TRAPPC10: variants seen among roughly 807,000 people sequenced by gnomAD.
TRAPPC10 encodes trafficking protein particle complex subunit 10.
In TRAPPC10, 23 loss-of-function variants were observed where a neutral mutation model predicts 125.5. The ratio of observed to expected loss-of-function variants is 0.18; its 90% confidence interval spans 0.13 to 0.26. The LOEUF (loss-of-function observed/expected upper bound fraction) is 0.26. Among genes scored for constraint, TRAPPC10 ranks in the 10% least tolerant of loss-of-function variants. The pLI is 1.00. For missense variants in TRAPPC10, 1,123 were observed against 1,308.4 expected, an observed-to-expected ratio of 0.86 and a Z score of 2.19; for synonymous variants, 509 against 518.0, an observed-to-expected ratio of 0.98 and a Z score of 0.24.
chr21:44,041,116 T>C (rs905046270), intron 3 of TRAPPC10, among the ~76,000 whole-genome samples: 6 of 152,208 alleles, frequency 3.9e-5, no homozygotes, highest in Non-Finnish European at 8.8e-5. Flanking sequence ...GATGTTCTAC[T>C]TAATTCATTA....
At chr21:44,042,420 GAAAA>G (rs549146437) in intron 3 of TRAPPC10, among the ~76,000 whole-genome samples, 1 of 150,570 alleles carries the variant, frequency 6.6e-6, no homozygotes, top group South Asian at 2.1e-4. Flanking sequence ...TTAGCTTACA[GAAAA>G]AAAAAGATTA....
At chr21:44,088,055 T>C in intron 17 of TRAPPC10, 127 bp downstream of exon 17, 1 of 793,216 alleles carries the variant, frequency 1.3e-6, no homozygotes, top group Non-Finnish European at 2.0e-6. Context: ...CCTGGGCATG[T>C]GTTTAGCAGT....
chr21:44,077,844 T>G, intron 11 of TRAPPC10, 60 bp downstream of exon 11: 1 of 1,323,228 alleles, frequency 7.6e-7, no homozygotes, highest in Non-Finnish European at 1.1e-6. Flanking sequence ...AGAAGATTTG[T>G]TATATATGGA....
rs192345084 is a variant in TRAPPC10 at position 44,061,137 on chromosome 21, A to T, written c.790+1923A>T. Among the ~76,000 whole-genome samples the T allele has an allele frequency of 5.6e-3, 848 of 151,156 alleles. 3 individuals are homozygous for T. The highest frequency in any genetic ancestry group is 0.013 in the African/African-American group (524 of 41,154). ...ATTTATTTTAATTTTAATTTAATTT[A>T]ATTTTATTTTATTTTTTGAGACGGA... On this transcript the variant is annotated intron_variant, in intron 6 of 22. Coordinates refer to ENST00000291574, the MANE Select transcript of TRAPPC10 (RefSeq NM_003274.5).
At chr21:44,039,259 A>G (rs2034237205) in intron 3 of TRAPPC10, among the ~76,000 whole-genome samples, 1 of 152,140 alleles carries the variant, frequency 6.6e-6, no homozygotes, top group Non-Finnish European at 1.5e-5. Context: ...CCCGTCCCCT[A>G]TTCTGGGGAG....
Position 44,055,992 on chromosome 21 carries a change from G to A in TRAPPC10, c.678+99G>A, listed in dbSNP as rs2035559674. 8.1e-6 allele frequency: 9 copies of A among 1,106,492 alleles called. No homozygotes were observed. In the Admixed American group the frequency reaches 1.7e-4, roughly 21 times the overall value. The allele number at this position is 1,106,492 out of a possible 1,614,324, so 68.5% of individuals were successfully genotyped here. A position where few individuals can be genotyped will look rare whatever the true frequency, so the allele number is the denominator to read the frequency against. On this transcript the variant is annotated intron_variant, in intron 5 of 22. Transcript: ENST00000291574. ...TCTTTCTAAGTAAGGCACCTCTCGT[G>A]GTAATCTCATTGGCAGAGTTTTTAA... is the stretch of plus-strand genomic sequence containing the variant.
At chr21:44,033,640 C>T (rs759269804) in intron 2 of TRAPPC10, among the ~76,000 whole-genome samples, 14 of 152,148 alleles carry the variant, frequency 9.2e-5, no homozygotes, top group East Asian at 1.9e-4. Context: ...GTGGGAGGAT[C>T]GCTTGAGCCT....
intron 3 of TRAPPC10, among the ~76,000 whole-genome samples, chr21:44,040,121 C>T (rs1010536074): frequency 2.0e-5 from 3 of 152,188 alleles, no homozygotes; most frequent in Non-Finnish European, 2.9e-5. Flanking sequence ...TGTTTATTAA[C>T]GTCTCCTTCA....
chr21:44,057,631 A>T (rs1370671340), intron 5 of TRAPPC10, among the ~76,000 whole-genome samples: 5 of 152,240 alleles, frequency 3.3e-5, no homozygotes, highest in Non-Finnish European at 5.9e-5. Flanking sequence ...TTTATATTAC[A>T]TACATTTCAA....
At position 44,086,735 on chromosome 21, in the gene TRAPPC10, A is replaced by G; in HGVS notation, c.2381-67A>G. 9.6e-6 allele frequency: 15 copies of G among 1,563,634 alleles called. No homozygotes were observed. The South Asian group carries it at 1.7e-4, about 18-fold the overall frequency. ...AAAGAAATAGAGCCCCTTTCACCCC[A>G]TTGCGGGCCCTGAGATGCTGTCTTC... On this transcript the variant is annotated intron_variant, in intron 15 of 22. Transcript: ENST00000291574.
intron 6 of TRAPPC10, chr21:44,062,546 G>C (rs2036137355): frequency 1.0e-6 from 1 of 985,412 alleles, no homozygotes; most frequent in Non-Finnish European, 1.2e-6. Flanking sequence ...CCTGTGGGAG[G>C]GGAGCCTAGC....
chr21:44,047,018 C>G (rs1203385753), intron 3 of TRAPPC10: 1 of 766,460 alleles, frequency 1.3e-6, no homozygotes, highest in Non-Finnish European at 2.3e-6. Flanking sequence ...TTCTGGAGTC[C>G]TTTCCCACCT....
chr21:44,054,404 T>C (rs2035427688), intron 4 of TRAPPC10, among the ~76,000 whole-genome samples: 1 of 152,186 alleles, frequency 6.6e-6, no homozygotes, highest in South Asian at 2.1e-4. Flanking sequence ...CTCCAAAGGA[T>C]ATGCTGGGGC....
At chr21:44,088,044 C>T (rs1214858411) in intron 17 of TRAPPC10, 116 bp downstream of exon 17, 9 of 876,374 alleles carry the variant, frequency 1.0e-5, no homozygotes, top group Non-Finnish European at 1.4e-5. Flanking sequence ...ATTCCCGATG[C>T]CCTGGGCATG....
intron 3 of TRAPPC10, among the ~76,000 whole-genome samples, chr21:44,044,297 A>G (rs1345195116): frequency 2.7e-5 from 4 of 147,312 alleles, no homozygotes; most frequent in African/African-American, 1.0e-4. Context: ...TTTTTTCCTT[A>G]AAATTACATT....
intron 19 of TRAPPC10, among the ~76,000 whole-genome samples, chr21:44,092,828 T>C (rs7276660): frequency 1 from 152,303 of 152,304 alleles, 76,151 homozygotes; most frequent in Middle Eastern, 1. Context: ...TGGAGTTTCG[T>C]TCTTGTCGCC....
At chr21:44,071,185 T>C (rs983132845) in intron 7 of TRAPPC10, among the ~76,000 whole-genome samples, 6 of 152,290 alleles carry the variant, frequency 3.9e-5, no homozygotes, top group East Asian at 1.9e-4. Context: ...CAGAAGGAAT[T>C]GATGGTGGCC....
rs373277961 is a variant in TRAPPC10 at position 44,080,008 on chromosome 21, G to T, written c.1611-7G>T. Reference sequence around the variant, plus strand: ...GCCTCTCCACGCTCCTTACCTCTCCGCTCCAGCTACCTGCAGACCAGCAGC... The same window carrying T: ...GCCTCTCCACGCTCCTTACCTCTCCTCTCCAGCTACCTGCAGACCAGCAGC... On this transcript the variant is annotated splice_polypyrimidine_tract_variant and splice_region_variant and intron_variant, in intron 12 of 22. Coordinates refer to ENST00000291574, the MANE Select transcript of TRAPPC10 (RefSeq NM_003274.5). 3 of 1,612,734 alleles carry T rather than the reference G, an allele frequency of 1.9e-6. No individual in the cohort carries two copies. Among genetic ancestry groups the T allele is most frequent in the African/African-American group, 1.3e-5 (1 of 74,784 alleles).
intron 5 of TRAPPC10, among the ~76,000 whole-genome samples, chr21:44,056,992 A>G (rs2035643841): frequency 6.6e-6 from 1 of 152,124 alleles, no homozygotes; most frequent in Admixed American, 6.5e-5. Flanking sequence ...TTAGTTCAGA[A>G]TTTAAAATGA....
Sources: allele counts gnomAD v4.1 joint callset (sites outside exome capture counted in the v4.1 genomes callset), GRCh38; gene constraint gnomAD v4.1.1; transcripts MANE v1.5; gene names NCBI Gene and HGNC (gene_info 2026-07-23, HGNC 2026-07-21).